Variants in MAPKAP1 observed in about 807,000 individuals in gnomAD.
MAPKAP1 encodes MAPK associated protein 1, also known as target of rapamycin complex 2 subunit MAPKAP1.
Under a neutral mutation model 65.7 loss-of-function variants are expected in MAPKAP1, and 20 were observed. That is an observed-to-expected ratio of 0.30 (90% confidence interval 0.21 to 0.44). The LOEUF is 0.44. Among genes scored for constraint, MAPKAP1 ranks in the 20% least tolerant of loss-of-function variants. The probability of loss-of-function intolerance (pLI) is 1.00; values close to 1 mark genes in which losing one functional copy is unlikely to be tolerated. For synonymous variants in MAPKAP1, 222 were observed against 244.3 expected, an observed-to-expected ratio of 0.91 and a Z score of 0.85; for missense variants, 423 against 648.0, an observed-to-expected ratio of 0.65 and a Z score of 3.77.
intron 7 of MAPKAP1, among the ~76,000 whole-genome samples, chr9:125,506,851 TTAA>T (rs1187960432): frequency 1.3e-5 from 2 of 152,234 alleles, no homozygotes; most frequent in African/African-American, 4.8e-5. Context: ...AAGGTATTTA[TTAA>T]TAATTATGTA....
At position 125,439,105 on chromosome 9, in the gene MAPKAP1, G is replaced by A; in HGVS notation, c.1444-93C>T. ...GGGTGGCAGGGAAGGCCCTGACCTGGGCCGGGTGCCTCAGGGCCAGGTGCT... is the reference window on the plus strand; with the variant it reads ...GGGTGGCAGGGAAGGCCCTGACCTGAGCCGGGTGCCTCAGGGCCAGGTGCT... On this transcript the variant is annotated intron_variant, in intron 11 of 11. Coordinates refer to ENST00000265960, the MANE Select transcript of MAPKAP1 (RefSeq NM_001006617.3). This position sits in a 1 kb window ranked among gnomAD's most constrained non-coding sequence, Gnocchi z 4.0. 6.7e-7 allele frequency: 1 copy of A among 1,488,408 alleles called. No homozygotes were observed. The highest frequency in any genetic ancestry group is 9.1e-7 in the Non-Finnish European group (1 of 1,098,964). The allele number at this position is 1,488,408 out of a possible 1,614,324, so 92.2% of individuals were successfully genotyped here.
intron 9 of MAPKAP1, among the ~76,000 whole-genome samples, chr9:125,477,307 T>C (rs1854145812): frequency 6.6e-6 from 1 of 152,234 alleles, no homozygotes; most frequent in Non-Finnish European, 1.5e-5. Context: ...ACAAACCAAG[T>C]GAGTACAAGT....
At chr9:125,587,579 C>CAA (rs1173787770) in intron 4 of MAPKAP1, among the ~76,000 whole-genome samples, 1 of 151,972 alleles carries the variant, frequency 6.6e-6, no homozygotes, top group Non-Finnish European at 1.5e-5. Flanking sequence ...CAAAAACAAA[C>CAA]AAACAAACAA....
rs547053381 is a variant in MAPKAP1, at chr9:125,506,568, G to T, written c.959-151C>A. 3 of 659,090 alleles carry T rather than the reference G, an allele frequency of 4.6e-6. No individual in the cohort carries two copies. The African/African-American group carries it at 5.4e-5, about 12-fold the overall frequency. 40.8% of individuals were successfully genotyped at this position (659,090 alleles called of 1,614,324 possible). A position where few individuals can be genotyped will look rare whatever the true frequency, so the allele number is the denominator to read the frequency against. On this transcript the variant is annotated intron_variant, in intron 7 of 11. Coordinates refer to ENST00000265960, the MANE Select transcript of MAPKAP1 (RefSeq NM_001006617.3). ...GTCTAGCTATCCAGGATGGAAGTTTGGGGTTTCTTTTGCATAAGGCTTCAC... is the reference window on the plus strand; with the variant it reads ...GTCTAGCTATCCAGGATGGAAGTTTTGGGTTTCTTTTGCATAAGGCTTCAC...
chr9:125,525,897 T>C (rs746571818), intron 7 of MAPKAP1, among the ~76,000 whole-genome samples: 4 of 152,032 alleles, frequency 2.6e-5, no homozygotes, highest in East Asian at 1.9e-4. Context: ...TTTAAGCCAA[T>C]AGAGGAAGCA....
intron 4 of MAPKAP1, among the ~76,000 whole-genome samples, chr9:125,655,919 T>C (rs1834020872): frequency 6.6e-6 from 1 of 152,174 alleles, no homozygotes. Context: ...ACTAAGGAGA[T>C]GGTTTACTTT....
chr9:125,650,257 C>G (rs879712612), intron 4 of MAPKAP1: 1 of 152,224 alleles, frequency 6.6e-6, no homozygotes, highest in Admixed American at 6.5e-5. Flanking sequence ...AGCACAGCCC[C>G]AGGGGTCTTT....
chr9:125,564,250 G>A (rs1290767190), intron 5 of MAPKAP1, among the ~76,000 whole-genome samples: 1 of 152,040 alleles, frequency 6.6e-6, no homozygotes, highest in Non-Finnish European at 1.5e-5. Flanking sequence ...CACTTTTTAT[G>A]GAGAAAAAAC....
chr9:125,703,616 A>T (rs1164410873), intron 1 of MAPKAP1, among the ~76,000 whole-genome samples: 1 of 152,128 alleles, frequency 6.6e-6, no homozygotes, highest in African/African-American at 2.4e-5. Flanking sequence ...TACTAAAAAC[A>T]CAAAAATTGG....
chr9:125,668,742 T>G (rs1274607720), intron 3 of MAPKAP1, among the ~76,000 whole-genome samples: 3 of 152,224 alleles, frequency 2.0e-5, no homozygotes, highest in African/African-American at 4.8e-5. Flanking sequence ...CAGCAAATGC[T>G]AATAATACCA....
intron 5 of MAPKAP1, among the ~76,000 whole-genome samples, chr9:125,573,990 A>G (rs143777019): frequency 0.028 from 4,295 of 152,350 alleles, 84 homozygotes; most frequent in South Asian, 0.057. Context: ...AAGCGAGACC[A>G]TGCCTGGCTC....
intron 4 of MAPKAP1, among the ~76,000 whole-genome samples, chr9:125,646,455 A>T (rs1833728283): frequency 6.6e-6 from 1 of 152,242 alleles, no homozygotes; most frequent in Non-Finnish European, 1.5e-5. Context: ...ACAGTAAGGA[A>T]TGTTATGAGG....
intron 5 of MAPKAP1, among the ~76,000 whole-genome samples, chr9:125,579,582 C>T (rs568566893): frequency 3.1e-4 from 47 of 152,270 alleles, no homozygotes; most frequent in Admixed American, 2.4e-3. Flanking sequence ...TGTGAGCAAC[C>T]GTGCCCGGCC....
intron 1 of MAPKAP1, among the ~76,000 whole-genome samples, chr9:125,693,700 T>C (rs868286913): frequency 4.8e-4 from 37 of 77,654 alleles, no homozygotes; most frequent in East Asian, 1.7e-3. Flanking sequence ...TATATACACG[T>C]ATATATACAC....
At position 125,651,769 on chromosome 9, in the gene MAPKAP1, G is replaced by A. The variant is rs192921333; in HGVS notation, c.498+5882C>T. On this transcript the variant is annotated intron_variant, in intron 4 of 11. Transcript: ENST00000265960. The stretch of plus-strand genomic sequence containing the variant: ...TGAAAGGAGCAGTGGTGGACTTTCC[G>A]TATTATGCAGCCAACTTCTTTCTTC... Among the ~76,000 whole-genome samples the A allele has an allele frequency of 2.6e-4, 39 of 152,262 alleles. No homozygotes were observed. The East Asian group carries it at 5.2e-3, about 20-fold the overall frequency.
chr9:125,633,551 G>C (rs937620210), intron 4 of MAPKAP1, among the ~76,000 whole-genome samples: 1 of 152,112 alleles, frequency 6.6e-6, no homozygotes, highest in Non-Finnish European at 1.5e-5. Context: ...TCCACCACCA[G>C]GATTATGTGT....
intron 4 of MAPKAP1, among the ~76,000 whole-genome samples, chr9:125,632,113 C>A (rs1347032245): frequency 6.6e-6 from 1 of 151,648 alleles, no homozygotes; most frequent in African/African-American, 2.4e-5. Context: ...TCCCAGCTAC[C>A]TGGGAGGCTG....
At position 125,657,529 on chromosome 9, in the gene MAPKAP1, C is replaced by T. The variant is rs190364441; in HGVS notation, c.498+122G>A. 1.1e-4 allele frequency: 95 copies of T among 887,856 alleles called. 1 individual carries two copies. In the East Asian group the frequency reaches 1.4e-3, roughly 13 times the overall value. 55.0% of individuals were successfully genotyped at this position (887,856 alleles called of 1,614,324 possible). ...AGTCTTAGAAAATGTAAGTGACATTCTATAACTGTCAACTGATATTCTACA... is the reference window on the plus strand; with the variant it reads ...AGTCTTAGAAAATGTAAGTGACATTTTATAACTGTCAACTGATATTCTACA... On this transcript the variant is annotated intron_variant, in intron 4 of 11. Coordinates refer to ENST00000265960, the MANE Select transcript of MAPKAP1 (RefSeq NM_001006617.3).
At chr9:125,446,470 G>A (rs1437167917) in intron 10 of MAPKAP1, among the ~76,000 whole-genome samples, 1 of 152,134 alleles carries the variant, frequency 6.6e-6, no homozygotes, top group East Asian at 1.9e-4. Flanking sequence ...GCATCTGTGT[G>A]TGCGTCTGTA....
Sources: gnomAD v4.1 joint callset for allele counts (sites outside exome capture counted in the v4.1 genomes callset) on GRCh38, gnomAD v4.1.1 for gene constraint, Gnocchi (gnomAD v3.1) non-coding constraint, MANE v1.5 for transcripts, NCBI Gene and HGNC (gene_info 2026-07-23, HGNC 2026-07-21) for gene names.